C2CD3: variants seen among roughly 807,000 people sequenced by gnomAD.
C2CD3 encodes C2 domain-containing protein 3.
C2CD3 carries 148 observed loss-of-function variants against 234.0 expected under a neutral mutation model. The ratio of observed to expected loss-of-function variants is 0.63; its 90% CI spans 0.55 to 0.72. The LOEUF is 0.72. C2CD3 is among the 30% of genes least tolerant of loss of function. The pLI is 0.00. For missense variants in C2CD3, 2,577 were observed against 2,811.5 expected (o/e 0.92, Z 1.89); for synonymous variants, 1,000 against 1,035.4 (o/e 0.97, Z 0.66).
intron 3 of C2CD3, among the ~76,000 whole-genome samples, chr11:74,153,241 AAAACAAAAC>A (rs1414295531): frequency 4.3e-4 from 66 of 151,928 alleles, no homozygotes; most frequent in Non-Finnish European, 7.9e-4. Context: ...AAAACAAAAC[AAAACAAAAC>A]AAACAAAAGC....
chr11:74,098,201 G>C lies in C2CD3; in HGVS notation c.2787C>G (p.Val929=). The C allele has an allele frequency of 6.2e-7, 1 of 1,614,010 alleles. No homozygotes were observed. Among genetic ancestry groups the C allele is most frequent in the East Asian group, 2.2e-5 (1 of 44,882 alleles). The change falls in exon 16 of 33, where the codon GTC becomes GTG. Residue 929 remains valine (V), a synonymous_variant. Transcript: ENST00000334126. Reference sequence around the variant, plus strand: ...CATCAATCACAGGCATGTAGCTGTCGACAGCAACAACTGGGTACTGGGCAT... The same window carrying C: ...CATCAATCACAGGCATGTAGCTGTCCACAGCAACAACTGGGTACTGGGCAT... The part of the protein sequence containing the change: ...LLDAQYPVVA[V]DSYMPVIDVF...
intron 24 of C2CD3, 36 bp downstream of exon 24, chr11:74,074,217 G>C (rs763290518): frequency 6.9e-7 from 1 of 1,441,662 alleles, no homozygotes; most frequent in Non-Finnish European, 9.7e-7. Context: ...ACCCTGAAGA[G>C]TTAGACATGC....
At chr11:74,148,049 A>C (rs1855337042) in intron 3 of C2CD3, among the ~76,000 whole-genome samples, 1 of 152,180 alleles carries the variant, frequency 6.6e-6, no homozygotes, top group East Asian at 1.9e-4. Flanking sequence ...AAATTTTACA[A>C]ATTTTACAAA....
intron 2 of C2CD3, among the ~76,000 whole-genome samples, chr11:74,165,779 CAAGT>C (rs1856765217): frequency 1.3e-5 from 2 of 152,094 alleles, no homozygotes; most frequent in African/African-American, 4.8e-5. Context: ...CTCAGCCTCC[CAAGT>C]AGCTGGGACT....
At position 74,090,945 on chromosome 11, in the gene C2CD3, TGAG is replaced by T; in HGVS notation, c.3518-12_3518-10del. On this transcript the variant is annotated splice_polypyrimidine_tract_variant and intron_variant, in intron 19 of 32. Coordinates refer to ENST00000334126, the MANE Select transcript of C2CD3 (RefSeq NM_001286577.2). Reference sequence around the variant, plus strand: ...GCCCACATCCAGTAAACCTGAAGAATGAGGACACAAGGAAAGAAGGTTGGTCAG... The same window carrying T: ...GCCCACATCCAGTAAACCTGAAGAATGACACAAGGAAAGAAGGTTGGTCAG... The T allele has an allele frequency of 6.2e-7, 1 of 1,613,356 alleles. No homozygotes were observed. The highest frequency in any genetic ancestry group is 8.5e-7 in the Non-Finnish European group (1 of 1,179,770).
At chr11:74,170,592 C>G in intron 1 of C2CD3, 146 bp downstream of exon 1, 1 of 888,120 alleles carries the variant, frequency 1.1e-6, no homozygotes, top group Middle Eastern at 2.4e-4. Flanking sequence ...GGGCCAATTG[C>G]CCTTCCTTTT....
chr11:74,100,153 G>A (rs1273965060), intron 15 of C2CD3, among the ~76,000 whole-genome samples: 1 of 152,134 alleles, frequency 6.6e-6, no homozygotes, highest in Non-Finnish European at 1.5e-5. Flanking sequence ...GTGAAGTGTG[G>A]ACTCCAGAGC....
intron 8 of C2CD3, among the ~76,000 whole-genome samples, chr11:74,121,713 C>T (rs1432670646): frequency 1.3e-5 from 2 of 151,998 alleles, no homozygotes; most frequent in African/African-American, 4.8e-5. Context: ...ACAACCCCCC[C>T]AAGTATTTAA....
intron 4 of C2CD3, 102 bp from the exon 5 acceptor site, chr11:74,139,069 G>A: frequency 1.1e-6 from 1 of 938,164 alleles, no homozygotes; most frequent in Admixed American, 2.6e-5. Context: ...TGGCAAGGTA[G>A]TTTGGACCTC....
chr11:74,028,585 T>C (rs979439067), intron 31 of C2CD3, among the ~76,000 whole-genome samples, 187 bp from the exon 32 acceptor site: 1 of 152,192 alleles, frequency 6.6e-6, no homozygotes, highest in African/African-American at 2.4e-5. Flanking sequence ...CACATATAAG[T>C]TTTTTATGGA....
intron 12 of C2CD3, 30 bp from the exon 13 acceptor site, chr11:74,106,523 T>C: frequency 6.2e-7 from 1 of 1,606,790 alleles, no homozygotes; most frequent in Non-Finnish European, 8.5e-7. Flanking sequence ...AACATTTAGA[T>C]TAATTAAAGA....
At chr11:74,097,605 AT>A (rs1030388238) in intron 16 of C2CD3, among the ~76,000 whole-genome samples, 8 of 152,232 alleles carry the variant, frequency 5.3e-5, no homozygotes, top group African/African-American at 1.9e-4. Context: ...ACAAAAACAA[AT>A]TACTTTTAAA....
At chr11:74,051,744 T>C (rs1026610165) in intron 26 of C2CD3, among the ~76,000 whole-genome samples, 2 of 152,302 alleles carry the variant, frequency 1.3e-5, no homozygotes, top group Non-Finnish European at 2.9e-5. Flanking sequence ...GAGTACCCTG[T>C]ATTTGTCTAA....
At chr11:74,137,577 A>G (rs1384278349) in intron 5 of C2CD3, among the ~76,000 whole-genome samples, 1 of 150,176 alleles carries the variant, frequency 6.7e-6, no homozygotes, top group African/African-American at 2.4e-5. Flanking sequence ...TTATATATAT[A>G]TATATTTTTT....
At chr11:74,161,901 G>A (rs575992294) in intron 2 of C2CD3, among the ~76,000 whole-genome samples, 2 of 146,708 alleles carry the variant, frequency 1.4e-5, no homozygotes, top group Admixed American at 7.1e-5. Context: ...CTGCAACCTC[G>A]AACTCCAGGA....
chr11:74,113,499 T>G, intron 11 of C2CD3: 1 of 371,944 alleles, frequency 2.7e-6, no homozygotes, highest in Non-Finnish European at 5.1e-6. Flanking sequence ...GCCAACATGG[T>G]GAAACCCTGT....
At chr11:74,032,918 A>G in intron 31 of C2CD3, among the ~76,000 whole-genome samples, 1 of 151,970 alleles carries the variant, frequency 6.6e-6, no homozygotes, top group Non-Finnish European at 1.5e-5. Context: ...TTATATATGC[A>G]AAATAGGGAT....
chr11:74,148,466 T>C (rs1431141412), intron 3 of C2CD3, among the ~76,000 whole-genome samples: 1 of 151,918 alleles, frequency 6.6e-6, no homozygotes, highest in Non-Finnish European at 1.5e-5. Flanking sequence ...TGTATATTTA[T>C]ATATGTGTAT....
Position 74,097,945 on chromosome 11 carries a change from A to C in C2CD3, c.2979+64T>G. 2.6e-6 allele frequency: 4 copies of C among 1,523,310 alleles called. No homozygotes were observed. In the South Asian group the frequency reaches 4.9e-5, roughly 19 times the overall value. The allele number at this position is 1,523,310 out of a possible 1,614,324, so 94.4% of individuals were successfully genotyped here. ...ACAGAAATAAAGGATTTGGGCAATA[A>C]ATTCACTAAAATATGCAAGAGAAAA... On this transcript the variant is annotated intron_variant, in intron 16 of 32. Transcript: ENST00000334126.
Sources: gnomAD v4.1 joint callset for allele counts (sites outside exome capture counted in the v4.1 genomes callset) on GRCh38, gnomAD v4.1.1 for gene constraint, MANE v1.5 for transcripts, NCBI Gene and HGNC (gene_info 2026-07-23, HGNC 2026-07-21) for gene names.